PBLD: variants seen among roughly 807,000 people sequenced by gnomAD.
PBLD encodes phenazine biosynthesis-like domain-containing protein.
A neutral mutation model predicts 31.3 loss-of-function variants in PBLD; 26 were observed. The ratio of observed to expected loss-of-function variants is 0.83; its 90% CI spans 0.61 to 1.15. The LOEUF is 1.15. Ranked by LOEUF, PBLD falls within the 50% of genes most tolerant of loss-of-function variation. The probability of loss-of-function intolerance (pLI) is 0.00; values close to 1 mark genes in which losing one functional copy is unlikely to be tolerated. For synonymous variants in PBLD, 114 were observed against 129.0 expected, an observed-to-expected ratio of 0.88 and a Z score of 0.79; for missense variants, 307 against 351.7, an observed-to-expected ratio of 0.87 and a Z score of 1.02.
At chr10:68,323,617 T>G (rs2044868882) in intron 1 of PBLD, among the ~76,000 whole-genome samples, 1 of 152,178 alleles carries the variant, frequency 6.6e-6, no homozygotes, top group South Asian at 2.1e-4. Context: ...GCCCCAAGAT[T>G]TCTGATCCAC....
intron 2 of PBLD, among the ~76,000 whole-genome samples, chr10:68,300,134 G>A (rs181907690): frequency 8.9e-4 from 136 of 152,050 alleles, no homozygotes; most frequent in Non-Finnish European, 1.6e-3. Flanking sequence ...CAGGCAATGC[G>A]CCCATATTGG....
At chr10:68,296,223 G>T in intron 4 of PBLD, 43 bp downstream of exon 4, 2 of 1,378,496 alleles carry the variant, frequency 1.5e-6, no homozygotes, top group Admixed American at 4.4e-5. Context: ...AAAAAAAAAA[G>T]CCATTTGCTA....
intron 8 of PBLD, among the ~76,000 whole-genome samples, chr10:68,285,934 G>C (rs1419524096): frequency 6.6e-6 from 1 of 152,006 alleles, no homozygotes; most frequent in African/African-American, 2.4e-5. Context: ...ACCTGCCTCA[G>C]CCTCCCAAAG....
At chr10:68,288,697 T>A in intron 7 of PBLD, 36 bp from the exon 8 acceptor site, 1 of 1,599,160 alleles carries the variant, frequency 6.3e-7, no homozygotes, top group Non-Finnish European at 8.5e-7. Context: ...GACAAACCCA[T>A]TTCACAGCCC....
intron 4 of PBLD, among the ~76,000 whole-genome samples, chr10:68,293,392 T>G (rs1436167262): frequency 2.6e-5 from 4 of 152,272 alleles, no homozygotes; most frequent in African/African-American, 7.2e-5. Flanking sequence ...CAACTTGGGC[T>G]ACTTATCAGT....
chr10:68,317,657 G>A (rs1399233173), intron 1 of PBLD, among the ~76,000 whole-genome samples: 8 of 151,968 alleles, frequency 5.3e-5, no homozygotes, highest in African/African-American at 2.4e-5. Flanking sequence ...AAAATTAGGT[G>A]GGCATGGTCA....
chr10:68,323,089 C>A (rs2044860582), intron 1 of PBLD, among the ~76,000 whole-genome samples: 1 of 151,626 alleles, frequency 6.6e-6, no homozygotes. Context: ...TATAGGAATT[C>A]TATGTAATAT....
At chr10:68,328,477 G>A (rs2044959994) in intron 1 of PBLD, among the ~76,000 whole-genome samples, 1 of 151,912 alleles carries the variant, frequency 6.6e-6, no homozygotes, top group South Asian at 2.1e-4. Context: ...TTGTTGTCTT[G>A]TTTTCCTCTG....
intron 6 of PBLD, 122 bp from the exon 7 acceptor site, chr10:68,289,141 G>A (rs2044325275): frequency 1.4e-6 from 1 of 699,644 alleles, no homozygotes; most frequent in African/African-American, 1.8e-5. Flanking sequence ...ATCGTCTCCA[G>A]TCCCCAAGAG....
intron 2 of PBLD, among the ~76,000 whole-genome samples, chr10:68,306,258 A>C (rs534444155): frequency 7.4e-4 from 113 of 152,326 alleles, no homozygotes; most frequent in Non-Finnish European, 1.3e-3. Context: ...AGTTATTTAT[A>C]TACTATAGCT....
At chr10:68,322,854 C>A (rs2044857390) in intron 1 of PBLD, among the ~76,000 whole-genome samples, 1 of 151,750 alleles carries the variant, frequency 6.6e-6, no homozygotes, top group South Asian at 2.1e-4. Flanking sequence ...CTCAAGTGAG[C>A]CTCTCCATTA....
chr10:68,319,768 T>C (rs1443902806), intron 1 of PBLD, among the ~76,000 whole-genome samples: 1 of 152,004 alleles, frequency 6.6e-6, no homozygotes, highest in African/African-American at 2.4e-5. Context: ...ACTAAATGCT[T>C]TCTATAAGAG....
rs1409894071 is a variant in PBLD at position 68,288,518 on chromosome 10, G to A, written c.656C>T (p.Ala219Val). Residue 219 changes from alanine (A) to valine (V), a missense_variant, in exon 8 of 10, where the codon GCA becomes GTA. Ala to Val is a moderately conservative substitution (Grantham distance 64). Coordinates refer to ENST00000358769, the MANE Select transcript of PBLD (RefSeq NM_022129.4). The stretch of plus-strand genomic sequence containing the variant: ...GTCTTCAGCCACACCAACCCACGGT[G>A]CAAAATATCTTGAGTAAAAGTCAAA... ...QAFDFYSRYF[A>V]PWVGVAEDPV... 1.2e-6 allele frequency: 2 copies of A among 1,614,206 alleles called. No homozygotes were observed. Among genetic ancestry groups the A allele is most frequent in the Admixed American group, 1.7e-5 (1 of 60,020 alleles).
chr10:68,310,384 T>C (rs542469516), intron 1 of PBLD, among the ~76,000 whole-genome samples: 13 of 147,442 alleles, frequency 8.8e-5, no homozygotes, highest in African/African-American at 1.3e-4. Flanking sequence ...TATATATATA[T>C]ACACATTGTG....
intron 1 of PBLD, among the ~76,000 whole-genome samples, chr10:68,324,430 C>T (rs2044883297): frequency 1.3e-5 from 2 of 151,972 alleles, no homozygotes; most frequent in African/African-American, 4.8e-5. Flanking sequence ...CCACCTTGGC[C>T]TCCCAAAGTG....
chr10:68,329,037 C>T (rs1207788244), intron 1 of PBLD, among the ~76,000 whole-genome samples: 1 of 152,174 alleles, frequency 6.6e-6, no homozygotes, highest in African/African-American at 2.4e-5. Flanking sequence ...TGCCACCACG[C>T]CCAGCTAATT....
chr10:68,327,566 C>T (rs1289073818), intron 1 of PBLD, among the ~76,000 whole-genome samples: 1 of 149,966 alleles, frequency 6.7e-6, no homozygotes, highest in Non-Finnish European at 1.5e-5. Flanking sequence ...TAATCCCACT[C>T]AGGAGGCTGA....
intron 1 of PBLD, among the ~76,000 whole-genome samples, chr10:68,319,322 A>C (rs2044796961): frequency 6.6e-6 from 1 of 152,254 alleles, no homozygotes; most frequent in Admixed American, 6.5e-5. Flanking sequence ...CTACCTTATC[A>C]GTAATTACAT....
chr10:68,296,785 C>T lies in PBLD; in HGVS notation c.184+101G>A, dbSNP rs1369271239. ...TCGGGAGGCTGAGGCACAATAATTG[C>T]TTGAACGCAGGAGGCGGAGGTTGCA... On this transcript the variant is annotated intron_variant, in intron 3 of 9. Transcript: ENST00000358769. The T allele has an allele frequency of 3.8e-6, 4 of 1,053,232 alleles. No homozygotes were observed. In the East Asian group the frequency reaches 9.5e-5, roughly 25 times the overall value. 65.2% of individuals were successfully genotyped at this position (1,053,232 alleles called of 1,614,324 possible).
Sources: gnomAD v4.1 joint callset for allele counts (sites outside exome capture counted in the v4.1 genomes callset) on GRCh38, gnomAD v4.1.1 for gene constraint, MANE v1.5 for transcripts, NCBI Gene and HGNC (gene_info 2026-07-23, HGNC 2026-07-21) for gene names.